RLN2: variants seen among roughly 807,000 people sequenced by gnomAD.
RLN2 encodes relaxin 2.
A neutral mutation model predicts 7.3 loss-of-function variants in RLN2; 10 were observed. The ratio of observed to expected loss-of-function variants is 1.36; its 90% CI spans 0.84 to 2.31. The LOEUF (loss-of-function observed/expected upper bound fraction) is 2.31. Ranked by LOEUF, RLN2 falls within the 30% of genes most tolerant of loss-of-function variation. The pLI is 0.00. For missense variants in RLN2, 298 were observed against 217.6 expected (o/e 1.37, Z -2.32); for synonymous variants, 103 against 82.3 (o/e 1.25, Z -1.36).
chr9:5,317,939 A>T, the RLN2 span, among the ~76,000 whole-genome samples: 1 of 151,808 alleles, frequency 6.6e-6, no homozygotes, highest in African/African-American at 2.4e-5. Context: ...GGGTGGTGGG[A>T]ATGCAAAATC....
the RLN2 span, among the ~76,000 whole-genome samples, chr9:5,314,653 T>TA: frequency 6.6e-6 from 1 of 151,976 alleles, no homozygotes; most frequent in South Asian, 2.1e-4. Flanking sequence ...ACTAGCCCAT[T>TA]AGAGTATGAG....
chr9:5,310,527 C>A, the RLN2 span, among the ~76,000 whole-genome samples: 4 of 151,960 alleles, frequency 2.6e-5, no homozygotes, highest in African/African-American at 9.7e-5. Context: ...TCTTTCAGAT[C>A]CCCCAATCGT....
the RLN2 span, among the ~76,000 whole-genome samples, chr9:5,320,827 A>G: frequency 6.6e-6 from 1 of 152,106 alleles, no homozygotes; most frequent in African/African-American, 2.4e-5. Context: ...TCTGTCTTCT[A>G]GCTACTCTGT....
At chr9:5,323,766 C>A in the RLN2 span, among the ~76,000 whole-genome samples, 3 of 151,864 alleles carry the variant, frequency 2.0e-5, no homozygotes, top group Non-Finnish European at 2.9e-5. Context: ...AATACACAGG[C>A]CAGGCACGGT....
upstream of RLN2, among the ~76,000 whole-genome samples, chr9:5,307,271 GGAT>G (rs1816270124): frequency 1.4e-5 from 2 of 143,488 alleles, no homozygotes; most frequent in South Asian, 2.3e-4. Context: ...GATAGATAGA[GGAT>G]AGATAGATAG....
At chr9:5,313,329 C>G in the RLN2 span, among the ~76,000 whole-genome samples, 6 of 151,970 alleles carry the variant, frequency 3.9e-5, no homozygotes, top group Admixed American at 3.9e-4. Context: ...TAATGACCTT[C>G]TTTATCTCAT....
the RLN2 span, chr9:5,335,678 C>A: frequency 4.8e-6 from 4 of 836,720 alleles, no homozygotes; most frequent in African/African-American, 1.7e-5. Flanking sequence ...TGTTTGCATA[C>A]ACAAAGAAAA....
chr9:5,335,520 C>G, the RLN2 span: 1 of 1,613,170 alleles, frequency 6.2e-7, no homozygotes, highest in Non-Finnish European at 8.5e-7. Context: ...GCCTTCAGCT[C>G]CGGTGGCAAA....
At chr9:5,315,594 G>C in the RLN2 span, among the ~76,000 whole-genome samples, 5 of 151,978 alleles carry the variant, frequency 3.3e-5, no homozygotes, top group Non-Finnish European at 7.4e-5. Flanking sequence ...GATTCAAGAA[G>C]CTCCAAAGTT....
chr9:5,299,950 T>A lies in RLN2; in HGVS notation c.*148A>T, dbSNP rs762496293. 19 of 494,060 alleles carry A rather than the reference T, an allele frequency of 3.8e-5. No homozygotes were observed. The highest frequency in any genetic ancestry group is 6.3e-5 in the Non-Finnish European group (18 of 284,286). The allele number at this position is 494,060 out of a possible 1,614,324, so 30.6% of individuals were successfully genotyped here. A position where few individuals can be genotyped will look rare whatever the true frequency, so the allele number is the denominator to read the frequency against. On this transcript the variant is annotated 3_prime_UTR_variant, in exon 2 of 2. Coordinates refer to ENST00000381627, the MANE Select transcript of RLN2 (RefSeq NM_134441.3). ...AAAAATCTAAACATCAACAAAGATG[T>A]TTAGATATTCTAAGAATTGATGGGA...
At chr9:5,311,455 G>C in the RLN2 span, 9 of 611,404 alleles carry the variant, frequency 1.5e-5, no homozygotes, top group South Asian at 1.5e-4. Flanking sequence ...ATGCCCAAGA[G>C]AAAGGCTGAA....
chr9:5,306,659 A>C (rs1190389462), upstream of RLN2, among the ~76,000 whole-genome samples: 1 of 152,020 alleles, frequency 6.6e-6, no homozygotes, highest in Non-Finnish European at 1.5e-5. Context: ...AACAATAAAT[A>C]TGTCCATGCA....
At chr9:5,306,955 C>G (rs540805727), upstream of RLN2, among the ~76,000 whole-genome samples, 9 of 152,114 alleles carry the variant, frequency 5.9e-5, no homozygotes, top group African/African-American at 9.6e-5. Flanking sequence ...TCTGGGAAAG[C>G]CTTTATTTCC....
At chr9:5,320,255 G>C in the RLN2 span, among the ~76,000 whole-genome samples, 7 of 151,378 alleles carry the variant, frequency 4.6e-5, no homozygotes, top group Non-Finnish European at 7.4e-5. Flanking sequence ...CAATGTGCTG[G>C]GATTACAGGT....
the RLN2 span, among the ~76,000 whole-genome samples, chr9:5,327,834 G>C: frequency 4.5e-4 from 68 of 152,056 alleles, 1 homozygote; most frequent in East Asian, 0.012. Context: ...ACTGTTAGAA[G>C]GAAAACTAAT....
At chr9:5,312,529 C>G in the RLN2 span, among the ~76,000 whole-genome samples, 1 of 152,052 alleles carries the variant, frequency 6.6e-6, no homozygotes, top group Admixed American at 6.5e-5. Flanking sequence ...TCACTTTAAA[C>G]TTTCCCTGTT....
At chr9:5,337,128 A>AT in the RLN2 span, among the ~76,000 whole-genome samples, 2 of 152,024 alleles carry the variant, frequency 1.3e-5, no homozygotes, top group African/African-American at 4.8e-5. Flanking sequence ...AGGTTTTGGC[A>AT]TTTTCCCTCA....
chr9:5,334,729 G>C, the RLN2 span, among the ~76,000 whole-genome samples: 5 of 151,994 alleles, frequency 3.3e-5, no homozygotes, highest in Non-Finnish European at 1.5e-5. Flanking sequence ...AGGAAAAAAA[G>C]AAATTAAAAA....
the RLN2 span, among the ~76,000 whole-genome samples, chr9:5,333,969 T>C: frequency 6.6e-6 from 1 of 152,024 alleles, no homozygotes; most frequent in Non-Finnish European, 1.5e-5. Context: ...AAATTCAACA[T>C]CGCTTCATGT....
Sources: allele counts gnomAD v4.1 joint callset (sites outside exome capture counted in the v4.1 genomes callset), GRCh38; gene constraint gnomAD v4.1.1; transcripts MANE v1.5; gene names NCBI Gene and HGNC (gene_info 2026-07-23, HGNC 2026-07-21).